Variants in ROBO2 observed in about 807,000 individuals in gnomAD.
ROBO2 encodes the protein roundabout guidance receptor 2.
Under a neutral mutation model 160.8 loss-of-function variants are expected in ROBO2, and 53 were observed. The ratio of observed to expected loss-of-function variants is 0.33; its 90% CI spans 0.26 to 0.41. The LOEUF (loss-of-function observed/expected upper bound fraction) is 0.41, where lower values mean the gene tolerates loss of function less well. Among genes scored for constraint, ROBO2 ranks in the 10% least tolerant of loss-of-function variants. The pLI, the probability that ROBO2 is intolerant of heterozygous loss-of-function variation, is 1.00. For synonymous variants in ROBO2, 664 were observed against 611.7 expected, an observed-to-expected ratio of 1.09 and a Z score of -1.26; for missense variants, 1,577 against 1,722.4, an observed-to-expected ratio of 0.92 and a Z score of 1.49.
At chr3:76,480,479 T>C (rs193135106) in intron 2 of ROBO2, among the ~76,000 whole-genome samples, 85 of 152,230 alleles carry the variant, frequency 5.6e-4, no homozygotes, top group African/African-American at 1.9e-3. Flanking sequence ...TCTTAGTCTA[T>C]TGGGGTTGCT....
At chr3:77,181,825 C>T (rs2080815680) in intron 2 of ROBO2, among the ~76,000 whole-genome samples, 1 of 152,008 alleles carries the variant, frequency 6.6e-6, no homozygotes, top group African/African-American at 2.4e-5. Flanking sequence ...TGCGAAGTCT[C>T]ATATCAATTA....
chr3:77,134,427 G>T (rs115592257), intron 2 of ROBO2, among the ~76,000 whole-genome samples: 1 of 152,142 alleles, frequency 6.6e-6, no homozygotes, highest in Non-Finnish European at 1.5e-5. Flanking sequence ...TCTTCTCAGA[G>T]AGCATAATAA....
At chr3:76,806,279 A>G (rs1345883234) in intron 2 of ROBO2, among the ~76,000 whole-genome samples, 2 of 151,140 alleles carry the variant, frequency 1.3e-5, no homozygotes, top group East Asian at 1.9e-4. Context: ...ACATAAATAC[A>G]TTTTTCTCTT....
chr3:76,247,899 A>G (rs904080425), intron 2 of ROBO2, among the ~76,000 whole-genome samples: 6 of 151,928 alleles, frequency 3.9e-5, no homozygotes, highest in Admixed American at 2.0e-4. Context: ...AATGCTCACC[A>G]TCACTGGCCA....
At chr3:77,633,943 T>C (rs1055117335) in intron 23 of ROBO2, 1 of 152,188 alleles carries the variant, frequency 6.6e-6, no homozygotes, top group Non-Finnish European at 1.5e-5. Context: ...TAACACAGCA[T>C]TAAGTAATAT....
chr3:77,160,652 A>G (rs1018219392), intron 2 of ROBO2, among the ~76,000 whole-genome samples: 8 of 152,192 alleles, frequency 5.3e-5, no homozygotes, highest in Admixed American at 2.6e-4. Flanking sequence ...TAGACTGTCT[A>G]TGGGACACAC....
At chr3:75,998,309 A>C (rs2065788345) in intron 2 of ROBO2, among the ~76,000 whole-genome samples, 1 of 152,214 alleles carries the variant, frequency 6.6e-6, no homozygotes, top group South Asian at 2.1e-4. Context: ...TTATTATAAT[A>C]AACATAAATT....
At chr3:77,109,835 C>T (rs978042781) in intron 2 of ROBO2, among the ~76,000 whole-genome samples, 1 of 152,190 alleles carries the variant, frequency 6.6e-6, no homozygotes, top group African/African-American at 2.4e-5. Context: ...TTTACTTGAA[C>T]AAGCAAACAA....
intron 2 of ROBO2, among the ~76,000 whole-genome samples, chr3:77,320,588 A>G (rs1181166518): frequency 6.6e-6 from 1 of 152,126 alleles, no homozygotes; most frequent in Admixed American, 6.5e-5. Flanking sequence ...TTATTTAATT[A>G]AACATTGTCA....
chr3:76,592,829 C>G (rs148439565), intron 2 of ROBO2, among the ~76,000 whole-genome samples: 1 of 152,116 alleles, frequency 6.6e-6, no homozygotes, highest in African/African-American at 2.4e-5. Flanking sequence ...AGAACTCATT[C>G]CTGTGGTTCT....
intron 2 of ROBO2, among the ~76,000 whole-genome samples, chr3:77,276,202 G>T (rs867699161): frequency 2.2e-5 from 3 of 135,300 alleles, no homozygotes; most frequent in African/African-American, 9.0e-5. Flanking sequence ...TTAATAAGTT[G>T]TAAAAACAAA....
At chr3:76,207,395 A>T (rs1260281470) in intron 2 of ROBO2, among the ~76,000 whole-genome samples, 1 of 152,176 alleles carries the variant, frequency 6.6e-6, no homozygotes, top group Non-Finnish European at 1.5e-5. Context: ...AGTGTTAGTT[A>T]CATGTGGGCT....
At chr3:76,511,618 AAGG>A (rs2081094731) in intron 2 of ROBO2, among the ~76,000 whole-genome samples, 1 of 152,182 alleles carries the variant, frequency 6.6e-6, no homozygotes, top group South Asian at 2.1e-4. Context: ...AGGTTTTCAA[AAGG>A]AGTTTAGCAT....
chr3:75,928,037 T>A (rs1352937008), intron 1 of ROBO2, among the ~76,000 whole-genome samples: 5 of 136,064 alleles, frequency 3.7e-5, no homozygotes. Flanking sequence ...CAGGCTGGAG[T>A]GCAGGGGCGC....
chr3:76,355,341 C>CTAT (rs912256699), intron 2 of ROBO2, among the ~76,000 whole-genome samples: 1 of 151,596 alleles, frequency 6.6e-6, no homozygotes, highest in Non-Finnish European at 1.5e-5. Context: ...AGCAATAATT[C>CTAT]TATTATTATT....
At chr3:76,039,669 TAAGG>T (rs753593477) in intron 2 of ROBO2, among the ~76,000 whole-genome samples, 9 of 152,066 alleles carry the variant, frequency 5.9e-5, no homozygotes, top group Non-Finnish European at 1.2e-4. Context: ...ATCTGACTAA[TAAGG>T]AAGAAGGAGT....
At chr3:76,878,814 A>G (rs1181476789) in intron 2 of ROBO2, among the ~76,000 whole-genome samples, 3 of 152,308 alleles carry the variant, frequency 2.0e-5, no homozygotes, top group Admixed American at 1.3e-4. Flanking sequence ...CAAGATAGCC[A>G]TCAAAAATCC....
In ROBO2 at chr3:76,134,077, C is replaced by T. The variant is rs11914936; in HGVS notation, c.109+196475C>T. Among the ~76,000 whole-genome samples, 958 of 152,148 alleles carry T rather than the reference C, an allele frequency of 6.3e-3. 13 individuals are homozygous for T. The highest frequency in any genetic ancestry group is 0.022 in the African/African-American group (919 of 41,538). ...GTTTATGGGATTTGTGTACTTTTTC[C>T]GTTTTAGTAAAAGTATTTTTATTCG... On this transcript the variant is annotated intron_variant, in intron 2 of 26. Transcript: ENST00000487694.
intron 1 of ROBO2, among the ~76,000 whole-genome samples, chr3:77,048,310 T>A (rs1017281856): frequency 6.6e-6 from 1 of 151,834 alleles, no homozygotes; most frequent in Admixed American, 6.6e-5. Flanking sequence ...TTAAGGGAAC[T>A]TATCGGTGGC....
Sources: allele counts gnomAD v4.1 joint callset (sites outside exome capture counted in the v4.1 genomes callset), GRCh38; gene constraint gnomAD v4.1.1; transcripts MANE v1.5; gene names NCBI Gene and HGNC (gene_info 2026-07-23, HGNC 2026-07-21).